Variants in ZNF493 observed in about 807,000 individuals in gnomAD.
ZNF493 encodes the protein zinc finger protein 493.
A neutral mutation model predicts 12.2 loss-of-function variants in ZNF493; 11 were observed. The ratio of observed to expected loss-of-function variants is 0.90; its 90% confidence interval spans 0.57 to 1.50. The LOEUF is 1.50. Ranked by LOEUF, ZNF493 falls within the 40% of genes most tolerant of loss-of-function variation. The pLI is 0.00. For missense variants in ZNF493, 950 were observed against 906.6 expected (o/e 1.05, Z -0.61); for synonymous variants, 286 against 302.6 (o/e 0.95, Z 0.57).
rs1046208970 is a variant in ZNF493, at chr19:21,425,118, G to T, written c.*134G>T. 2 of 1,093,240 alleles carry T rather than the reference G, an allele frequency of 1.8e-6. No homozygotes were observed. The highest frequency in any genetic ancestry group is 2.8e-6 in the Non-Finnish European group (2 of 720,242). The allele number at this position is 1,093,240 out of a possible 1,614,324, so 67.7% of individuals were successfully genotyped here. On this transcript the variant is annotated 3_prime_UTR_variant, in exon 4 of 4. Transcript: ENST00000392288. The stretch of plus-strand genomic sequence containing the variant: ...GAAACCCTACAAATGTGAAGAATGT[G>T]GCAAAGATTTCTATTGATTCTCATA...
At chr19:21,414,388 G>C (rs2030418853) in intron 3 of ZNF493, 1 of 152,220 alleles carries the variant, frequency 6.6e-6, no homozygotes, top group African/African-American at 2.4e-5. Flanking sequence ...CTGCATTTGA[G>C]ACTAGAGGCA....
intron 3 of ZNF493, chr19:21,414,537 A>G (rs1165331804): frequency 6.6e-6 from 1 of 152,222 alleles, no homozygotes; most frequent in African/African-American, 2.4e-5. Flanking sequence ...TGTAAAAAGG[A>G]TGCATTGTAC....
chr19:21,411,371 C>A (rs1470961303), intron 3 of ZNF493, among the ~76,000 whole-genome samples: 3 of 151,912 alleles, frequency 2.0e-5, no homozygotes, highest in Non-Finnish European at 4.4e-5. Context: ...AGTATAATGT[C>A]TCTCTGTTCT....
At chr19:21,420,341 A>G (rs1370378971) in intron 3 of ZNF493, among the ~76,000 whole-genome samples, 1 of 151,342 alleles carries the variant, frequency 6.6e-6, no homozygotes, top group Non-Finnish European at 1.5e-5. Context: ...GTGTATCTAT[A>G]TAGATGTATT....
At chr19:21,419,286 C>G (rs888256361) in intron 3 of ZNF493, among the ~76,000 whole-genome samples, 1 of 151,946 alleles carries the variant, frequency 6.6e-6, no homozygotes, top group Middle Eastern at 3.4e-3. Flanking sequence ...TGGTGTTCAG[C>G]AAACTACAAC....
intron 3 of ZNF493, chr19:21,407,736 T>C: frequency 2.0e-6 from 2 of 982,346 alleles, no homozygotes; most frequent in East Asian, 2.3e-4. Context: ...TGTGGTTTTT[T>C]ATGTGTAAGA....
At chr19:21,421,152 T>C (rs2030665926) in intron 3 of ZNF493, among the ~76,000 whole-genome samples, 1 of 152,098 alleles carries the variant, frequency 6.6e-6, no homozygotes, top group African/African-American at 2.4e-5. Flanking sequence ...TGTATCCTAG[T>C]TTGTTTGTTG....
rs971469865 is a variant in ZNF493 at position 21,426,212 on chromosome 19, T to C, written c.*1228T>C. The C allele has an allele frequency of 6.6e-5, 14 of 213,318 alleles. No individual in the cohort carries two copies. Among genetic ancestry groups the C allele is most frequent in the Non-Finnish European group, 1.5e-4 (14 of 95,398 alleles). The allele number at this position is 213,318 out of a possible 1,614,324, so 13.2% of individuals were successfully genotyped here. A position where few individuals can be genotyped will look rare whatever the true frequency, so the allele number is the denominator to read the frequency against. ...GAAATGTGGAGAATGTAACAAAGTA[T>C]TTAAATGGTTGTCACACTTGATTAT... is the stretch of plus-strand genomic sequence containing the variant. On this transcript the variant is annotated 3_prime_UTR_variant, in exon 4 of 4. Coordinates refer to ENST00000392288, the MANE Select transcript of ZNF493 (RefSeq NM_001076678.3).
chr19:21,405,506 A>G (rs2145271001), intron 2 of ZNF493: 4 of 1,332,100 alleles, frequency 3.0e-6, no homozygotes, highest in Non-Finnish European at 2.9e-6. Flanking sequence ...GAAATTTAGT[A>G]GTATAAAATA....
intron 3 of ZNF493, among the ~76,000 whole-genome samples, chr19:21,418,526 G>A (rs980486796): frequency 1.3e-5 from 2 of 152,086 alleles, no homozygotes; most frequent in East Asian, 1.9e-4. Flanking sequence ...CATGATGGAC[G>A]CCACTTGCTG....
At chr19:21,416,384 C>T (rs2030495332) in intron 3 of ZNF493, among the ~76,000 whole-genome samples, 1 of 152,152 alleles carries the variant, frequency 6.6e-6, no homozygotes, top group Admixed American at 6.6e-5. Context: ...TTTATAGGTA[C>T]AGAAGTTATA....
In ZNF493 at chr19:21,405,757, G is replaced by A. The variant is rs202098429; in HGVS notation, c.158-4G>A. 83 of 1,608,384 alleles carry A rather than the reference G, an allele frequency of 5.2e-5. No individual in the cohort carries two copies. In the African/African-American group the frequency reaches 8.3e-4, roughly 16 times the overall value. On this transcript the variant is annotated splice_region_variant and splice_polypyrimidine_tract_variant and intron_variant, in intron 2 of 3. Coordinates refer to ENST00000392288, the MANE Select transcript of ZNF493 (RefSeq NM_001076678.3). ...ATTCATGTTATTTATTTTTAATAAA[G>A]CAGGTATTGCTGTCTCTAAGCCAGA...
At chr19:21,408,600 A>G in intron 3 of ZNF493, 3 of 985,078 alleles carry the variant, frequency 3.0e-6, no homozygotes, top group Non-Finnish European at 3.6e-6. Context: ...TGGTATATTA[A>G]TGTTGCATAC....
In ZNF493 at chr19:21,427,023, CTTCA is replaced by C. The variant is rs1470943433; in HGVS notation, c.*2043_*2046del. On this transcript the variant is annotated 3_prime_UTR_variant, in exon 4 of 4. Coordinates refer to ENST00000392288, the MANE Select transcript of ZNF493 (RefSeq NM_001076678.3). ...CTCAACTCATTATTTTCTGCTGTTT[CTTCA>C]TTCTTATTCACTTGTGAAAGCTTGT... 3 of 166,882 alleles carry C rather than the reference CTTCA, an allele frequency of 1.8e-5. No individual in the cohort carries two copies. The highest frequency in any genetic ancestry group is 7.2e-5 in the African/African-American group (3 of 41,440). 10.3% of individuals were successfully genotyped at this position (166,882 alleles called of 1,614,324 possible). A position where few individuals can be genotyped will look rare whatever the true frequency, so the allele number is the denominator to read the frequency against.
In ZNF493 at chr19:21,407,576, A is replaced by G. The variant is rs984073668; in HGVS notation, c.253+1720A>G. The G allele has an allele frequency of 4.4e-5, 43 of 971,458 alleles. 1 individual carries two copies. The highest frequency in any genetic ancestry group is 5.0e-5 in the Non-Finnish European group (41 of 817,284). 60.2% of individuals were successfully genotyped at this position (971,458 alleles called of 1,614,324 possible). Reference sequence around the variant, plus strand: ...AGTGCTGGTATTACAGGCGTGAGCCACCATGCCCAGCCTAATAAAAATTTT... The same window carrying G: ...AGTGCTGGTATTACAGGCGTGAGCCGCCATGCCCAGCCTAATAAAAATTTT... On this transcript the variant is annotated intron_variant, in intron 3 of 3. Coordinates refer to ENST00000392288, the MANE Select transcript of ZNF493 (RefSeq NM_001076678.3).
chr19:21,410,058 GTGTATATATA>G (rs1204348199), intron 3 of ZNF493, among the ~76,000 whole-genome samples: 3,987 of 139,864 alleles, frequency 0.029, 166 homozygotes, highest in African/African-American at 0.096. Flanking sequence ...ATTTCATTGT[GTGTATATATA>G]TATATATATA....
intron 3 of ZNF493, among the ~76,000 whole-genome samples, chr19:21,420,611 A>T (rs1568382462): frequency 4.5e-4 from 5 of 11,110 alleles, no homozygotes; most frequent in African/African-American, 2.3e-3. Flanking sequence ...ATATATATAT[A>T]TATATATATA....
intron 3 of ZNF493, chr19:21,413,114 A>C: frequency 3.4e-6 from 1 of 296,544 alleles, no homozygotes. Flanking sequence ...TTCCATGGGA[A>C]TCATTGTGCA....
At chr19:21,410,864 G>T (rs2650811) in intron 3 of ZNF493, among the ~76,000 whole-genome samples, 4,708 of 151,926 alleles carry the variant, frequency 0.031, 169 homozygotes, top group African/African-American at 0.074. Flanking sequence ...ATGATGTTGG[G>T]TCACGGCAAC....
Sources: allele counts gnomAD v4.1 joint callset (sites outside exome capture counted in the v4.1 genomes callset), GRCh38; gene constraint gnomAD v4.1.1; transcripts MANE v1.5; gene names NCBI Gene and HGNC (gene_info 2026-07-23, HGNC 2026-07-21).